Variants in EPHA6 observed in about 807,000 individuals in gnomAD.
The protein encoded by EPHA6 is EPH receptor A6.
A neutral mutation model predicts 112.0 loss-of-function variants in EPHA6; 50 were observed. That is an observed-to-expected ratio of 0.45 (90% confidence interval 0.36 to 0.56). EPHA6 has a LOEUF of 0.56. Among genes scored for constraint, EPHA6 ranks in the 20% least tolerant of loss-of-function variants. The pLI is 0.00. For synonymous variants in EPHA6, 529 were observed against 490.7 expected (o/e 1.08, Z -1.03); for missense variants, 1,280 against 1,417.4 (o/e 0.90, Z 1.56).
At chr3:96,920,787 A>C (rs1383797673) in intron 2 of EPHA6, among the ~76,000 whole-genome samples, 1 of 152,050 alleles carries the variant, frequency 6.6e-6, no homozygotes, top group Non-Finnish European at 1.5e-5. Flanking sequence ...GCTTGAACTT[A>C]AATAAAATTT....
intron 4 of EPHA6, among the ~76,000 whole-genome samples, chr3:97,231,647 A>G (rs2078527854): frequency 6.6e-6 from 1 of 152,162 alleles, no homozygotes; most frequent in African/African-American, 2.4e-5. Context: ...AAATGAGTGC[A>G]CCCAAGGAAC....
intron 11 of EPHA6, among the ~76,000 whole-genome samples, chr3:97,553,927 CTG>C (rs779387145): frequency 9.2e-5 from 14 of 152,192 alleles, no homozygotes; most frequent in African/African-American, 2.9e-4. Context: ...ATAACTATTT[CTG>C]TGTTTGTATG....
chr3:97,262,777 C>T (rs867707418), intron 5 of EPHA6, among the ~76,000 whole-genome samples: 5 of 151,948 alleles, frequency 3.3e-5, no homozygotes, highest in South Asian at 2.1e-4. Flanking sequence ...TTTCTGTCTC[C>T]CATCAACTTT....
intron 4 of EPHA6, among the ~76,000 whole-genome samples, chr3:97,237,509 G>GC (rs2078715411): frequency 6.6e-6 from 1 of 151,886 alleles, no homozygotes; most frequent in Admixed American, 6.6e-5. Flanking sequence ...ACCACTTGTT[G>GC]CCAGTATGTC....
intron 5 of EPHA6, among the ~76,000 whole-genome samples, chr3:97,354,650 T>G (rs1425246132): frequency 6.6e-6 from 1 of 152,082 alleles, no homozygotes; most frequent in Non-Finnish European, 1.5e-5. Context: ...TTATTGGCCT[T>G]AAAGAGGCAG....
intron 1 of EPHA6, among the ~76,000 whole-genome samples, chr3:96,817,922 A>G (rs1269813016): frequency 6.6e-6 from 1 of 151,942 alleles, no homozygotes; most frequent in Non-Finnish European, 1.5e-5. Context: ...GACTGTAAAG[A>G]TGAAATAAAT....
At chr3:97,209,170 A>G (rs944439261) in intron 3 of EPHA6, among the ~76,000 whole-genome samples, 37 of 152,180 alleles carry the variant, frequency 2.4e-4, no homozygotes, top group African/African-American at 8.9e-4. Flanking sequence ...AATGGAATTG[A>G]GAAGAGATGC....
intron 13 of EPHA6, among the ~76,000 whole-genome samples, chr3:97,626,382 T>C (rs2107520658): frequency 6.6e-6 from 1 of 151,942 alleles, no homozygotes; most frequent in East Asian, 1.9e-4. Context: ...TGCATGCTTA[T>C]GTGATTTTCT....
intron 11 of EPHA6, chr3:97,572,589 A>G (rs1431184384): frequency 6.6e-6 from 1 of 152,182 alleles, no homozygotes; most frequent in African/African-American, 2.4e-5. Flanking sequence ...ATCATAGTAA[A>G]TGATACTCCA....
chr3:97,630,532 A>C (rs1195627987), intron 13 of EPHA6, among the ~76,000 whole-genome samples: 1 of 152,212 alleles, frequency 6.6e-6, no homozygotes, highest in African/African-American at 2.4e-5. Context: ...CTTTAAACTT[A>C]AGTTATAGAA....
intron 6 of EPHA6, among the ~76,000 whole-genome samples, chr3:97,444,447 T>C (rs2090254854): frequency 6.6e-6 from 1 of 152,108 alleles, no homozygotes; most frequent in South Asian, 2.1e-4. Context: ...ATTAAAAAAA[T>C]ATTGAATTGA....
chr3:97,088,724 C>T (rs1010201075), intron 3 of EPHA6, among the ~76,000 whole-genome samples: 1 of 152,076 alleles, frequency 6.6e-6, no homozygotes, highest in African/African-American at 2.4e-5. Context: ...GACTGGTTTT[C>T]TTCATTCCTT....
chr3:96,926,160 A>G (rs1440706986), intron 2 of EPHA6, among the ~76,000 whole-genome samples: 1 of 152,154 alleles, frequency 6.6e-6, no homozygotes, highest in Non-Finnish European at 1.5e-5. Flanking sequence ...AGGGGAAGCA[A>G]GCATGTCTTA....
At chr3:97,679,720 C>T (rs1479037039) in intron 14 of EPHA6, among the ~76,000 whole-genome samples, 2 of 152,110 alleles carry the variant, frequency 1.3e-5, no homozygotes, top group Non-Finnish European at 2.9e-5. Flanking sequence ...GGATCAGACA[C>T]TTCAATATAC....
intron 3 of EPHA6, among the ~76,000 whole-genome samples, chr3:97,055,063 C>G (rs1389264814): frequency 6.6e-6 from 1 of 152,024 alleles, no homozygotes; most frequent in Non-Finnish European, 1.5e-5. Flanking sequence ...TGCATTTCTC[C>G]TAGAAAATGT....
chr3:97,366,863 T>G (rs1268344229), intron 5 of EPHA6, among the ~76,000 whole-genome samples: 1 of 152,204 alleles, frequency 6.6e-6, no homozygotes, highest in Non-Finnish European at 1.5e-5. Flanking sequence ...TTCATTGAAC[T>G]TCTTTTCTGT....
intron 14 of EPHA6, among the ~76,000 whole-genome samples, chr3:97,690,184 G>C (rs1416108138): frequency 6.6e-6 from 1 of 152,136 alleles, no homozygotes; most frequent in Admixed American, 6.5e-5. Flanking sequence ...GAGTTAAACA[G>C]GATAACTCTG....
intron 11 of EPHA6, among the ~76,000 whole-genome samples, chr3:97,544,523 T>C (rs1329796104): frequency 1.3e-5 from 2 of 152,244 alleles, no homozygotes; most frequent in South Asian, 4.1e-4. Context: ...TTTGCATCGA[T>C]GTTCATCAAG....
rs978265744 is a variant in EPHA6 at position 97,292,186 on chromosome 3, G to A, written c.1606+47899G>A. Reference sequence around the variant, plus strand: ...GAACAAGGGGAACCTGATGGCACCCGAAAGCTCGGAGATGCCAGGAACCGC... The same window carrying A: ...GAACAAGGGGAACCTGATGGCACCCAAAAGCTCGGAGATGCCAGGAACCGC... On this transcript the variant is annotated intron_variant, in intron 5 of 17. Coordinates refer to ENST00000389672, the MANE Select transcript of EPHA6 (RefSeq NM_001080448.3). Among the ~76,000 whole-genome samples the A allele has an allele frequency of 5.9e-5, 9 of 152,226 alleles. No individual in the cohort carries two copies. In the East Asian group the frequency reaches 9.6e-4, roughly 16 times the overall value.
Sources: gnomAD v4.1 joint callset for allele counts (sites outside exome capture counted in the v4.1 genomes callset) on GRCh38, gnomAD v4.1.1 for gene constraint, MANE v1.5 for transcripts, NCBI Gene and HGNC (gene_info 2026-07-23, HGNC 2026-07-21) for gene names.